NCAM1: variants seen among roughly 807,000 people sequenced by gnomAD.
The protein encoded by NCAM1 is neural cell adhesion molecule 1.
NCAM1 carries 14 observed loss-of-function variants against 109.8 expected under a neutral mutation model. The observed-to-expected ratio is 0.13, with a 90% CI of 0.08 to 0.20. NCAM1 has a LOEUF of 0.20. Ranked by LOEUF, NCAM1 falls within the 10% of genes least tolerant of loss-of-function variation. The pLI is 1.00. For synonymous variants in NCAM1, 418 were observed against 442.9 expected (o/e 0.94, Z 0.70); for missense variants, 774 against 1,109.9 (o/e 0.70, Z 4.30).
At chr11:113,032,281 G>A (rs149013269) in intron 1 of NCAM1, among the ~76,000 whole-genome samples, 2,222 of 152,196 alleles carry the variant, frequency 0.015, 34 homozygotes, top group Middle Eastern at 0.061. Flanking sequence ...TATACTTTTG[G>A]ACTTTCTTTG....
intron 1 of NCAM1, among the ~76,000 whole-genome samples, chr11:113,085,334 A>G (rs1175794733): frequency 6.6e-6 from 1 of 152,188 alleles, no homozygotes; most frequent in Non-Finnish European, 1.5e-5. Flanking sequence ...TGCAGTTATT[A>G]TGAGCCTTGC....
intron 1 of NCAM1, among the ~76,000 whole-genome samples, chr11:113,138,967 G>A (rs1421452944): frequency 1.3e-5 from 2 of 152,186 alleles, no homozygotes; most frequent in East Asian, 1.9e-4. Context: ...GGTCGATGAG[G>A]TTGATTCTGA....
At chr11:113,041,319 T>A (rs1305308482) in intron 1 of NCAM1, 5 of 152,246 alleles carry the variant, frequency 3.3e-5, no homozygotes. Flanking sequence ...TTTCTCACAT[T>A]AGAAGCGCTG....
At chr11:112,977,232 A>G (rs756410239) in intron 1 of NCAM1, 6 of 151,824 alleles carry the variant, frequency 4.0e-5, no homozygotes, top group Non-Finnish European at 8.8e-5. Flanking sequence ...GTTTTATTGA[A>G]CAAATTTTGT....
chr11:112,962,461 T>C lies in NCAM1; in HGVS notation c.52+797T>C, dbSNP rs992266531. On this transcript the variant is annotated intron_variant, in intron 1 of 19. Transcript: ENST00000316851. The surrounding 1 kb of genome is among the most constrained non-coding windows in gnomAD (Gnocchi z 5.6). ...GTGTGTGCGCGCGCGTGTGCGCGCG[T>C]GTGTCTTTACACGCGCCGCGTGCCC... is the stretch of plus-strand genomic sequence containing the variant. 1.3e-4 allele frequency among the ~76,000 whole-genome samples: 19 copies of C among 151,868 alleles called. No homozygotes were observed. The highest frequency in any genetic ancestry group is 6.5e-5 in the Admixed American group (1 of 15,278).
intron 1 of NCAM1, among the ~76,000 whole-genome samples, chr11:113,139,071 G>C (rs369209730): frequency 6.6e-6 from 1 of 152,180 alleles, no homozygotes; most frequent in Admixed American, 6.5e-5. Context: ...TAGACAATAG[G>C]GTTGCTGTTT....
At chr11:113,110,440 T>A (rs1158545113) in intron 1 of NCAM1, among the ~76,000 whole-genome samples, 1 of 152,222 alleles carries the variant, frequency 6.6e-6, no homozygotes, top group Non-Finnish European at 1.5e-5. Flanking sequence ...TTTGGCTAGC[T>A]TTATAATTGA....
intron 1 of NCAM1, among the ~76,000 whole-genome samples, chr11:113,019,084 G>A (rs536156192): frequency 2.2e-4 from 33 of 152,120 alleles, no homozygotes; most frequent in Middle Eastern, 6.8e-3. Context: ...AGTGATACTC[G>A]GTCATGGTTA....
intron 14 of NCAM1, chr11:113,246,086 C>G (rs1945493617): frequency 4.0e-6 from 2 of 504,994 alleles, no homozygotes; most frequent in Non-Finnish European, 7.0e-6. Flanking sequence ...TAACCAAATG[C>G]TCTTTATGAT....
chr11:113,079,756 C>A (rs933964325), intron 1 of NCAM1, among the ~76,000 whole-genome samples: 7 of 152,304 alleles, frequency 4.6e-5, no homozygotes, highest in South Asian at 4.1e-4. Context: ...CCAGTCTAGT[C>A]GGTCTGTTTC....
chr11:113,220,199 A>C (rs1944643777), intron 8 of NCAM1, among the ~76,000 whole-genome samples: 1 of 152,202 alleles, frequency 6.6e-6, no homozygotes, highest in African/African-American at 2.4e-5. Flanking sequence ...AGAAATAAAA[A>C]AATCTAGATG....
chr11:113,197,477 T>G (rs575475457), intron 1 of NCAM1, among the ~76,000 whole-genome samples: 1 of 152,348 alleles, frequency 6.6e-6, no homozygotes, highest in East Asian at 1.9e-4. Context: ...CAAAAGTCCA[T>G]GGTCATTATT....
intron 1 of NCAM1, among the ~76,000 whole-genome samples, chr11:112,978,459 G>A (rs1275367725): frequency 6.6e-6 from 1 of 151,732 alleles, no homozygotes; most frequent in Non-Finnish European, 1.5e-5. Flanking sequence ...CTCAGTGGTT[G>A]AATGTAAACA....
chr11:113,030,029 A>C lies in NCAM1; in HGVS notation c.52+68365A>C, dbSNP rs144095536. On this transcript the variant is annotated intron_variant, in intron 1 of 19. Transcript: ENST00000316851. The stretch of plus-strand genomic sequence containing the variant: ...ATGTTGTATTTCCTACACACCTGCT[A>C]TGTACCTTGGGGGTTGGTGTTATCT... Among the ~76,000 whole-genome samples, 34 of 150,976 alleles carry C rather than the reference A, an allele frequency of 2.3e-4. No individual in the cohort carries two copies. The East Asian group carries it at 5.4e-3, about 24-fold the overall frequency.
At chr11:113,030,164 A>C (rs187007261) in intron 1 of NCAM1, among the ~76,000 whole-genome samples, 2 of 152,338 alleles carry the variant, frequency 1.3e-5, no homozygotes, top group East Asian at 3.9e-4. Flanking sequence ...CCTGTCTAAT[A>C]CCGTTGCTGT....
intron 1 of NCAM1, among the ~76,000 whole-genome samples, chr11:113,039,757 A>C (rs1471338951): frequency 6.6e-6 from 1 of 152,246 alleles, no homozygotes; most frequent in Non-Finnish European, 1.5e-5. Flanking sequence ...GCTGTGTTAA[A>C]AATAGAAATA....
At chr11:113,122,953 G>A (rs1034762448) in intron 1 of NCAM1, among the ~76,000 whole-genome samples, 11 of 152,134 alleles carry the variant, frequency 7.2e-5, no homozygotes, top group Non-Finnish European at 1.3e-4. Flanking sequence ...GTAAGTCAGG[G>A]ACAGAAAGAC....
At chr11:113,255,598 A>G (rs2846436) in intron 15 of NCAM1, among the ~76,000 whole-genome samples, 206 of 9,012 alleles carry the variant, frequency 0.023, 1 homozygote, top group Middle Eastern at 0.077. Flanking sequence ...GAGACAGGGG[A>G]AAAAAAAAAA....
chr11:113,026,377 A>T (rs1478364804), intron 1 of NCAM1, among the ~76,000 whole-genome samples: 2 of 152,100 alleles, frequency 1.3e-5, no homozygotes, highest in African/African-American at 4.8e-5. Context: ...CCAGGATTTT[A>T]TATTTTTTGA....
Sources: gnomAD v4.1 joint callset for allele counts (sites outside exome capture counted in the v4.1 genomes callset) on GRCh38, gnomAD v4.1.1 for gene constraint, Gnocchi (gnomAD v3.1) non-coding constraint, MANE v1.5 for transcripts, NCBI Gene and HGNC (gene_info 2026-07-23, HGNC 2026-07-21) for gene names.